CDK14: variants seen among roughly 807,000 people sequenced by gnomAD.
The protein encoded by CDK14 is cyclin-dependent kinase 14.
A neutral mutation model predicts 60.7 loss-of-function variants in CDK14; 34 were observed. The ratio of observed to expected loss-of-function variants is 0.56; its 90% CI spans 0.43 to 0.75. The LOEUF (loss-of-function observed/expected upper bound fraction) is 0.75. Among genes scored for constraint, CDK14 ranks in the 30% least tolerant of loss-of-function variants. The pLI is 0.00. For missense variants in CDK14, 482 were observed against 564.1 expected (o/e 0.85, Z 1.47); for synonymous variants, 197 against 203.7 (o/e 0.97, Z 0.28).
chr7:90,886,503 G>A (rs1791950707), intron 6 of CDK14, among the ~76,000 whole-genome samples: 1 of 152,120 alleles, frequency 6.6e-6, no homozygotes, highest in Non-Finnish European at 1.5e-5. Context: ...CATAGGGAAA[G>A]CATTACCTGA....
intron 4 of CDK14, among the ~76,000 whole-genome samples, chr7:90,750,199 CA>C (rs1803779468): frequency 1.1e-4 from 8 of 75,196 alleles, no homozygotes; most frequent in East Asian, 3.4e-4. Flanking sequence ...CACACACACA[CA>C]CCAATAATAT....
intron 6 of CDK14, among the ~76,000 whole-genome samples, chr7:90,898,758 T>C (rs1430977087): frequency 6.6e-6 from 1 of 152,034 alleles, no homozygotes; most frequent in Admixed American, 6.6e-5. Context: ...ATGTTTCTGT[T>C]AATTTATGAA....
chr7:91,000,985 A>G (rs907655663), intron 10 of CDK14, among the ~76,000 whole-genome samples: 2 of 152,226 alleles, frequency 1.3e-5, no homozygotes, highest in African/African-American at 2.4e-5. Flanking sequence ...AACTAAATTC[A>G]GAAATAGCAA....
intron 2 of CDK14, among the ~76,000 whole-genome samples, chr7:90,609,845 C>G (rs981310704): frequency 2.6e-5 from 4 of 152,194 alleles, no homozygotes; most frequent in African/African-American, 9.6e-5. Context: ...AGTCTTTTCT[C>G]TACCCTGACT....
intron 2 of CDK14, among the ~76,000 whole-genome samples, chr7:90,707,169 A>G (rs533395943): frequency 2.0e-5 from 3 of 152,212 alleles, no homozygotes; most frequent in East Asian, 3.9e-4. Flanking sequence ...CTAAAACTCA[A>G]TGTGTAAAAA....
chr7:91,108,473 A>G (rs1799374739), intron 12 of CDK14, among the ~76,000 whole-genome samples: 1 of 152,224 alleles, frequency 6.6e-6, no homozygotes, highest in Non-Finnish European at 1.5e-5. Context: ...TTGGGTGCCA[A>G]AATACCCAGC....
rs560665178 is a variant in CDK14, at chr7:91,140,890, C to CT, written c.*28+22690dup. Reference sequence around the variant, plus strand: ...CTTTTATGATAGCCATTTTTTTGGTCTTTTTTTTCCATTTCTTTTACCTAA... The same window carrying CT: ...CTTTTATGATAGCCATTTTTTTGGTCTTTTTTTTTCCATTTCTTTTACCTAA... On this transcript the variant is annotated intron_variant, in intron 14 of 14. Transcript: ENST00000380050. Among the ~76,000 whole-genome samples, 367 of 151,272 alleles carry CT rather than the reference C, an allele frequency of 2.4e-3. 2 individuals carry two copies. Among genetic ancestry groups the CT allele is most frequent in the African/African-American group, 8.4e-3 (348 of 41,254 alleles).
chr7:91,192,713 A>G (rs1260969550), intron 14 of CDK14, among the ~76,000 whole-genome samples: 1 of 152,240 alleles, frequency 6.6e-6, no homozygotes, highest in Non-Finnish European at 1.5e-5. Context: ...AAGAATGGGT[A>G]CTATAGAATT....
chr7:91,095,961 A>T (rs1798971206), intron 12 of CDK14, among the ~76,000 whole-genome samples: 1 of 141,846 alleles, frequency 7.0e-6, no homozygotes, highest in South Asian at 2.4e-4. Context: ...AAATACTGTG[A>T]TGGTTGTACA....
intron 14 of CDK14, among the ~76,000 whole-genome samples, chr7:91,167,455 G>C (rs1166435962): frequency 6.6e-6 from 1 of 152,226 alleles, no homozygotes; most frequent in Non-Finnish European, 1.5e-5. Context: ...CTCCTGGAAA[G>C]TGCTTTGGAC....
chr7:90,854,942 G>A (rs184756340), intron 5 of CDK14, among the ~76,000 whole-genome samples: 360 of 152,250 alleles, frequency 2.4e-3, no homozygotes, highest in Non-Finnish European at 4.5e-3. Context: ...GAAGTTACTA[G>A]CAAGATGTTT....
chr7:90,726,716 G>C lies in CDK14; in HGVS notation c.273G>C (p.Lys91Asn). Residue 91 changes from lysine (K) to asparagine (N), a missense_variant, in exon 3 of 15, where the codon AAG (lysine) becomes AAC (asparagine). Lys to Asn is a moderately conservative substitution (Grantham distance 94). Coordinates refer to ENST00000380050, the MANE Select transcript of CDK14 (RefSeq NM_001287135.2). The part of the protein sequence containing the change: ...DPFEKPANQV[K>N]RVHSENNACI... ...TTGAGAAACCAGCTAATCAAGTAAAGAGGGTGCATTCTGAGAACAATGCTT... is the reference window on the plus strand; with the variant it reads ...TTGAGAAACCAGCTAATCAAGTAAACAGGGTGCATTCTGAGAACAATGCTT... 6.2e-7 allele frequency: 1 copy of C among 1,613,898 alleles called. No individual in the cohort carries two copies. Among genetic ancestry groups the C allele is most frequent in the Non-Finnish European group, 8.5e-7 (1 of 1,179,824 alleles).
rs745362270 is a variant in CDK14, at chr7:91,118,119, G to A, written c.1349G>A (p.Ser450Asn). 2.5e-6 allele frequency: 4 copies of A among 1,613,654 alleles called. No individual in the cohort carries two copies. The highest frequency in any genetic ancestry group is 3.4e-6 in the Non-Finnish European group (4 of 1,179,690). ...NVRLQPEAGE[S>N]MRAFGKNNSY... Reference sequence around the variant, plus strand: ...AGATTGCAACCAGAAGCTGGAGAAAGCATGCGGGCCTTTGGGAAAAACAAT... The same window carrying A: ...AGATTGCAACCAGAAGCTGGAGAAAACATGCGGGCCTTTGGGAAAAACAAT... The change falls in exon 14 of 15, where the codon AGC becomes AAC. Residue 450 changes from serine (S) to asparagine (N), a missense_variant. Transcript: ENST00000380050.
intron 14 of CDK14, among the ~76,000 whole-genome samples, chr7:91,174,567 T>C (rs921573366): frequency 3.4e-5 from 5 of 146,130 alleles, no homozygotes; most frequent in African/African-American, 1.3e-4. Flanking sequence ...GAAAAAAATT[T>C]AGAAGAATGT....
chr7:91,103,250 CA>C (rs894736792), intron 12 of CDK14, among the ~76,000 whole-genome samples: 121 of 144,480 alleles, frequency 8.4e-4, no homozygotes, highest in Middle Eastern at 3.5e-3. Context: ...AATACTCTGT[CA>C]AAAAAAAAAA....
chr7:90,829,822 T>C (rs555530764), intron 5 of CDK14, among the ~76,000 whole-genome samples: 1 of 152,288 alleles, frequency 6.6e-6, no homozygotes, highest in African/African-American at 2.4e-5. Context: ...CATGAGACAC[T>C]GCCCGGCTAG....
chr7:91,200,153 A>G (rs1226923829), intron 14 of CDK14, among the ~76,000 whole-genome samples: 1 of 152,244 alleles, frequency 6.6e-6, no homozygotes, highest in Non-Finnish European at 1.5e-5. Context: ...CTCAAAGAAT[A>G]AGGAAATTAA....
At chr7:90,776,458 ACAAT>A (rs1299316047) in intron 4 of CDK14, among the ~76,000 whole-genome samples, 1 of 152,214 alleles carries the variant, frequency 6.6e-6, no homozygotes, top group Non-Finnish European at 1.5e-5. Flanking sequence ...TCAAAACCGA[ACAAT>A]CAAACATCAA....
chr7:91,109,424 A>G (rs1472055496), intron 12 of CDK14, among the ~76,000 whole-genome samples: 3 of 152,238 alleles, frequency 2.0e-5, no homozygotes, highest in South Asian at 4.1e-4. Context: ...AAAAAAGAAG[A>G]CGAAAAATTA....
Sources: gnomAD v4.1 joint callset for allele counts (sites outside exome capture counted in the v4.1 genomes callset) on GRCh38, gnomAD v4.1.1 for gene constraint, MANE v1.5 for transcripts, NCBI Gene and HGNC (gene_info 2026-07-23, HGNC 2026-07-21) for gene names.